Variants in TMC1 observed in about 807,000 individuals in gnomAD.
TMC1 encodes transmembrane channel like 1.
In TMC1, 84 loss-of-function variants were observed where a neutral mutation model predicts 105.8. The ratio of observed to expected loss-of-function variants is 0.79; its 90% CI spans 0.67 to 0.95. The LOEUF (loss-of-function observed/expected upper bound fraction) is 0.95. TMC1 is among the 40% of genes least tolerant of loss of function. The pLI is 0.00. For synonymous variants in TMC1, 315 were observed against 311.5 expected (o/e 1.01, Z -0.12); for missense variants, 817 against 914.1 (o/e 0.89, Z 1.37).
At chr9:72,659,604 C>T (rs1414253193) in intron 5 of TMC1, among the ~76,000 whole-genome samples, 1 of 152,088 alleles carries the variant, frequency 6.6e-6, no homozygotes, top group African/African-American at 2.4e-5. Flanking sequence ...ACTGCACTCC[C>T]GCCTGGGCAA....
chr9:72,599,494 AG>A (rs1465550025), intron 2 of TMC1, among the ~76,000 whole-genome samples: 5 of 152,204 alleles, frequency 3.3e-5, no homozygotes, highest in Admixed American at 2.0e-4. Flanking sequence ...GAATTTTCTA[AG>A]AAAAGGCCTG....
intron 8 of TMC1, among the ~76,000 whole-genome samples, chr9:72,705,703 A>G (rs1361890288): frequency 6.6e-6 from 1 of 152,250 alleles, no homozygotes; most frequent in Non-Finnish European, 1.5e-5. Context: ...CAGTTCTAAC[A>G]TTTCATGAGT....
At chr9:72,772,582 C>G (rs766624214) in intron 13 of TMC1, 27 bp downstream of exon 13, 1 of 1,613,244 alleles carries the variant, frequency 6.2e-7, no homozygotes. Context: ...TTTTGGGAAG[C>G]AAATAATGAT....
At chr9:72,779,199 A>G (rs1438172879) in intron 13 of TMC1, among the ~76,000 whole-genome samples, 1 of 152,244 alleles carries the variant, frequency 6.6e-6, no homozygotes, top group Non-Finnish European at 1.5e-5. Context: ...GTCCCCTGAA[A>G]TCAGCCAGAA....
chr9:72,713,248 G>A (rs1360284635), intron 8 of TMC1, among the ~76,000 whole-genome samples: 1 of 152,050 alleles, frequency 6.6e-6, no homozygotes, highest in African/African-American at 2.4e-5. Flanking sequence ...TTTTTGTTGT[G>A]TCTCTGCCAG....
At chr9:72,752,108 C>A in intron 11 of TMC1, 152 bp downstream of exon 11, 1 of 671,000 alleles carries the variant, frequency 1.5e-6, no homozygotes, top group South Asian at 1.7e-5. Flanking sequence ...AAATGGTGCC[C>A]ATGGGCCAAA....
At chr9:72,799,296 A>T (rs1828428789) in intron 17 of TMC1, among the ~76,000 whole-genome samples, 1 of 152,126 alleles carries the variant, frequency 6.6e-6, no homozygotes, top group Admixed American at 6.5e-5. Flanking sequence ...TGTTTGTGAA[A>T]TTATTTGAAC....
chr9:72,709,524 C>T (rs1053818337), intron 8 of TMC1, among the ~76,000 whole-genome samples: 2 of 151,982 alleles, frequency 1.3e-5, no homozygotes, highest in Non-Finnish European at 2.9e-5. Context: ...AATTTCATTG[C>T]TTGTTATTGG....
In TMC1 at chr9:72,792,310, A is replaced by G; in HGVS notation, c.1524A>G (p.Ala508=). ...GACCACCCTTTTTTGTTCACCCTGC[A>G]GATGTACCTCGAGGACCTTGCTGGG... ...STGPPFFVHP[A]DVPRGPCWET... The change falls in exon 17 of 24, where the codon GCA becomes GCG. Residue 508 remains alanine, a synonymous_variant. Coordinates refer to ENST00000297784, the MANE Select transcript of TMC1 (RefSeq NM_138691.3). 1 of 1,614,192 alleles carries G rather than the reference A, an allele frequency of 6.2e-7. No individual in the cohort carries two copies. Among genetic ancestry groups the G allele is most frequent in the Non-Finnish European group, 8.5e-7 (1 of 1,180,030 alleles).
intron 2 of TMC1, among the ~76,000 whole-genome samples, chr9:72,578,604 T>C (rs1454004225): frequency 6.6e-6 from 1 of 152,194 alleles, no homozygotes; most frequent in Non-Finnish European, 1.5e-5. Flanking sequence ...AGGACTGTTT[T>C]CTATGGAGTG....
At chr9:72,773,273 G>A (rs574644608) in intron 13 of TMC1, among the ~76,000 whole-genome samples, 3 of 152,134 alleles carry the variant, frequency 2.0e-5, no homozygotes, top group Admixed American at 6.6e-5. Flanking sequence ...TACGAGAAGA[G>A]TTGAAACATC....
intron 2 of TMC1, among the ~76,000 whole-genome samples, chr9:72,612,675 C>G (rs1300958763): frequency 6.6e-6 from 1 of 152,136 alleles, no homozygotes; most frequent in Non-Finnish European, 1.5e-5. Context: ...GGCCCATAGG[C>G]TATAATTGAA....
At chr9:72,669,547 A>G (rs1826096003) in intron 5 of TMC1, among the ~76,000 whole-genome samples, 1 of 152,216 alleles carries the variant, frequency 6.6e-6, no homozygotes. Flanking sequence ...TCTGCATGTC[A>G]TTGAAATATT....
chr9:72,725,337 A>ATATG (rs1827099072), intron 8 of TMC1, among the ~76,000 whole-genome samples: 1 of 89,224 alleles, frequency 1.1e-5, no homozygotes, highest in Non-Finnish European at 2.1e-5. Flanking sequence ...ATATATATAT[A>ATATG]TATATATATA....
Position 72,837,390 on chromosome 9 carries a change from A to G in TMC1, c.*1417A>G, listed in dbSNP as rs1221634417. The G allele has an allele frequency of 2.0e-5, 3 of 152,094 alleles. No homozygotes were observed. The highest frequency in any genetic ancestry group is 4.4e-5 in the Non-Finnish European group (3 of 68,016). 9.4% of individuals were successfully genotyped at this position (152,094 alleles called of 1,614,324 possible). A position where few individuals can be genotyped will look rare whatever the true frequency, so the allele number is the denominator to read the frequency against. The stretch of plus-strand genomic sequence containing the variant: ...TTTAACCACCACCTGACCATCACCA[A>G]ATGGTCACCTGACATTCCTGTGGGA... On this transcript the variant is annotated 3_prime_UTR_variant, in exon 24 of 24. Transcript: ENST00000297784.
In TMC1 at chr9:72,742,450, G is replaced by T. The variant is rs145102585; in HGVS notation, c.460G>T (p.Ala154Ser). 3 of 1,613,808 alleles carry T rather than the reference G, an allele frequency of 1.9e-6. No individual in the cohort carries two copies. Among genetic ancestry groups the T allele is most frequent in the Non-Finnish European group, 2.5e-6 (3 of 1,179,802 alleles). ...TATTTGACTTTCTTTTCAGAAATGG[G>T]CAAAATTCCTCCGTGATTTTGAGAA... ...AFKMMMAKKWAKFLRDFENFK... is the reference protein window; with the variant it reads ...AFKMMMAKKWSKFLRDFENFK... The change falls in exon 10 of 24, where the codon GCA becomes TCA. Residue 154 changes from alanine to serine, a missense_variant. Ala to Ser is a moderately conservative substitution (Grantham distance 99). Transcript: ENST00000297784.
chr9:72,704,233 A>ACTAAGCTCAGTGTAACTGAAAG lies in TMC1; in HGVS notation c.362+3591_362+3612dup, dbSNP rs561015009. Among the ~76,000 whole-genome samples, 515 of 152,294 alleles carry ACTAAGCTCAGTGTAACTGAAAG rather than the reference A, an allele frequency of 3.4e-3. 4 individuals are homozygous for ACTAAGCTCAGTGTAACTGAAAG. The highest frequency in any genetic ancestry group is 0.012 in the African/African-American group (496 of 41,566). On this transcript the variant is annotated intron_variant, in intron 8 of 23. Coordinates refer to ENST00000297784, the MANE Select transcript of TMC1 (RefSeq NM_138691.3). ...TGGCTAAGTCTGTGAAACCCAAGATACTAAGCTCAGTGTAACTGAAAGAGA... is the reference window on the plus strand; with the variant it reads ...TGGCTAAGTCTGTGAAACCCAAGATACTAAGCTCAGTGTAACTGAAAGCTAAGCTCAGTGTAACTGAAAGAGA...
Position 72,791,997 on chromosome 9 carries a change from A to G in TMC1, c.1336A>G (p.Ile446Val), listed in dbSNP as rs1828278139. Reference protein sequence around the residue: ...LIALKWLLGRIFALLLGNLYV... With the variant: ...LIALKWLLGRVFALLLGNLYV... ...CGCTTTGAAATGGCTACTGGGACGC[A>G]TTTTTGCTCTTCTTTTAGGCAATTT... The change falls in exon 16 of 24, where the codon ATT (isoleucine) becomes GTT (valine). Residue 446 changes from isoleucine (I) to valine (V), a missense_variant. Ile to Val is a conservative substitution (Grantham distance 29). Transcript: ENST00000297784. The G allele has an allele frequency of 1.2e-6, 2 of 1,614,056 alleles. No individual in the cohort carries two copies. Among genetic ancestry groups the G allele is most frequent in the Admixed American group, 1.7e-5 (1 of 60,016 alleles).
At chr9:72,646,726 C>A (rs1299923171) in intron 4 of TMC1, among the ~76,000 whole-genome samples, 4 of 151,760 alleles carry the variant, frequency 2.6e-5, no homozygotes, top group Non-Finnish European at 5.9e-5. Context: ...CTCCAATGGG[C>A]CATTTTATAT....
Sources: allele counts gnomAD v4.1 joint callset (sites outside exome capture counted in the v4.1 genomes callset), GRCh38; gene constraint gnomAD v4.1.1; transcripts MANE v1.5; gene names NCBI Gene and HGNC (gene_info 2026-07-23, HGNC 2026-07-21).